ANXA8: variants seen among roughly 807,000 people sequenced by gnomAD.
ANXA8 encodes the protein annexin A8, also known as VAC-beta.
Under a neutral mutation model 26.8 loss-of-function variants are expected in ANXA8, and 9 were observed. The observed-to-expected ratio is 0.34, with a 90% CI of 0.20 to 0.59. ANXA8 has a LOEUF of 0.59. Ranked by LOEUF, ANXA8 falls within the 20% of genes least tolerant of loss-of-function variation. The pLI is 0.84. For missense variants in ANXA8, 83 were observed against 238.5 expected (o/e 0.35, Z 4.29); for synonymous variants, 39 against 94.8 (o/e 0.41, Z 3.42).
the ANXA8 span, among the ~76,000 whole-genome samples, chr10:47,600,577 T>C: frequency 1.4e-3 from 212 of 148,092 alleles, 2 homozygotes; most frequent in African/African-American, 5.2e-3. Flanking sequence ...TGCTATCTAT[T>C]GGTGAAAGAG....
At chr10:47,939,186 C>T in the ANXA8 span, among the ~76,000 whole-genome samples, 3 of 144,972 alleles carry the variant, frequency 2.1e-5, no homozygotes, top group Non-Finnish European at 4.5e-5. Flanking sequence ...ACCTGTAATC[C>T]CAGCTACTTG....
the ANXA8 span, among the ~76,000 whole-genome samples, chr10:47,554,991 C>G: frequency 6.7e-6 from 1 of 149,898 alleles, no homozygotes; most frequent in African/African-American, 2.5e-5. Flanking sequence ...ATGATCAGAC[C>G]TTAGACCTTG....
chr10:47,564,826 C>G, the ANXA8 span: 1 of 917,806 alleles, frequency 1.1e-6, no homozygotes, highest in South Asian at 1.4e-5. Flanking sequence ...GAATAAGCTA[C>G]GTCCTCTATG....
the ANXA8 span, chr10:47,973,031 A>G: frequency 6.7e-6 from 1 of 148,910 alleles, no homozygotes. Flanking sequence ...TATATAGGCA[A>G]TCAACTTTTG....
chr10:47,617,830 A>G, the ANXA8 span, among the ~76,000 whole-genome samples: 1 of 143,432 alleles, frequency 7.0e-6, no homozygotes, highest in Non-Finnish European at 1.5e-5. Context: ...GACTATTTGA[A>G]CTTTTATCGG....
chr10:47,573,385 C>G, the ANXA8 span, among the ~76,000 whole-genome samples: 1 of 149,258 alleles, frequency 6.7e-6, no homozygotes, highest in Non-Finnish European at 1.5e-5. Flanking sequence ...CCTGCCTCAG[C>G]CTCCCAAAGT....
chr10:47,665,180 A>C, the ANXA8 span, among the ~76,000 whole-genome samples: 5 of 149,084 alleles, frequency 3.4e-5, no homozygotes, highest in East Asian at 1.9e-4. Context: ...AAAAAAAAAA[A>C]CCCAGGTAAA....
chr10:47,947,667 C>G, the ANXA8 span, among the ~76,000 whole-genome samples: 1 of 150,778 alleles, frequency 6.6e-6, no homozygotes, highest in Non-Finnish European at 1.5e-5. Flanking sequence ...TGTTTGCTTT[C>G]TCTTCCCCTT....
chr10:47,982,351 C>T, the ANXA8 span, among the ~76,000 whole-genome samples: 5 of 151,578 alleles, frequency 3.3e-5, no homozygotes, highest in South Asian at 2.1e-4. Context: ...TTACTACCAA[C>T]GTCTAGGAAT....
the ANXA8 span, among the ~76,000 whole-genome samples, chr10:47,944,448 C>T: frequency 6.7e-6 from 1 of 149,710 alleles, no homozygotes; most frequent in South Asian, 2.1e-4. Flanking sequence ...TTGTCTAGGA[C>T]AGACTGTGCT....
At chr10:47,579,232 G>T in the ANXA8 span, among the ~76,000 whole-genome samples, 230 of 71,128 alleles carry the variant, frequency 3.2e-3, 12 homozygotes, top group Admixed American at 0.025. Context: ...CTTGACCTCC[G>T]CAGGCTCAGC....
At chr10:47,674,747 G>A in the ANXA8 span, among the ~76,000 whole-genome samples, 4 of 151,708 alleles carry the variant, frequency 2.6e-5, no homozygotes, top group Admixed American at 2.0e-4. Flanking sequence ...TAAAATATTA[G>A]TATGGACTTA....
the ANXA8 span, among the ~76,000 whole-genome samples, chr10:47,619,408 G>A: frequency 1.8e-5 from 2 of 112,704 alleles, 1 homozygote; most frequent in Non-Finnish European, 3.9e-5. Context: ...GTGTTCTGGA[G>A]TTACTGATCT....
the ANXA8 span, among the ~76,000 whole-genome samples, chr10:47,664,619 T>C: frequency 1.3e-5 from 2 of 151,194 alleles, no homozygotes; most frequent in Non-Finnish European, 2.9e-5. Flanking sequence ...GCAATTTTTT[T>C]GGTACCTAAA....
chr10:47,923,670 A>G, the ANXA8 span: 1 of 40,282 alleles, frequency 2.5e-5, no homozygotes, highest in African/African-American at 2.0e-4. Flanking sequence ...CTTGGCTTAC[A>G]GCCCTCTGAA....
chr10:47,675,333 G>A, the ANXA8 span, among the ~76,000 whole-genome samples: 343 of 150,038 alleles, frequency 2.3e-3, 1 homozygote, highest in African/African-American at 8.1e-3. Context: ...CTCCAATAGT[G>A]AGAAATCTGT....
At chr10:47,778,496 A>C in the ANXA8 span, among the ~76,000 whole-genome samples, 1 of 151,616 alleles carries the variant, frequency 6.6e-6, no homozygotes, top group Non-Finnish European at 1.5e-5. Context: ...GAGAAACGTA[A>C]TCAAGTGTTT....
chr10:47,622,700 G>C, the ANXA8 span, among the ~76,000 whole-genome samples: 108 of 94,916 alleles, frequency 1.1e-3, 9 homozygotes, highest in African/African-American at 4.5e-3. Flanking sequence ...GTGGCAGCAA[G>C]TTTAGCTGTA....
chr10:47,650,081 G>A, the ANXA8 span, among the ~76,000 whole-genome samples: 475 of 148,506 alleles, frequency 3.2e-3, 1 homozygote, highest in African/African-American at 9.3e-3. Context: ...GGTGGCACGC[G>A]CCTGTAATCC....
Sources: allele counts gnomAD v4.1 joint callset (sites outside exome capture counted in the v4.1 genomes callset), GRCh38; gene constraint gnomAD v4.1.1; transcripts MANE v1.5; gene names NCBI Gene and HGNC (gene_info 2026-07-23, HGNC 2026-07-21).